Variants in FER1L5 observed in about 807,000 individuals in gnomAD.
FER1L5 encodes the protein fer-1-like protein 5.
Under a neutral mutation model 279.9 loss-of-function variants are expected in FER1L5, and 187 were observed. That is an observed-to-expected ratio of 0.67 (90% CI 0.59 to 0.75). FER1L5 has a LOEUF of 0.75. FER1L5 is among the 30% of genes least tolerant of loss of function. The pLI, the probability that FER1L5 is intolerant of heterozygous loss-of-function variation, is 0.00. For missense variants in FER1L5, 2,091 were observed against 2,594.4 expected, an observed-to-expected ratio of 0.81 and a Z score of 4.21; for synonymous variants, 921 against 989.7, an observed-to-expected ratio of 0.93 and a Z score of 1.30.
chr2:96,681,123 G>A (rs1167093440), intron 19 of FER1L5, among the ~76,000 whole-genome samples: 1 of 152,200 alleles, frequency 6.6e-6, no homozygotes, highest in East Asian at 1.9e-4. Flanking sequence ...AGCCTGAAGA[G>A]TGTCCAACAA....
In FER1L5 at chr2:96,700,378, C is replaced by T. The variant is rs1167794175; in HGVS notation, c.4977C>T (p.Arg1659=). The T allele has an allele frequency of 6.2e-7, 1 of 1,613,748 alleles. No homozygotes were observed. The highest frequency in any genetic ancestry group is 8.5e-7 in the Non-Finnish European group (1 of 1,179,904). Residue 1659 remains arginine, a synonymous_variant, in exon 45 of 53, where the codon CGC becomes CGT. Coordinates refer to ENST00000624922, the MANE Select transcript of FER1L5 (RefSeq NM_001293083.2). The stretch of plus-strand genomic sequence containing the variant: ...ATGGTTTGGGACCCAAGAAGGAACG[C>T]CTTGCACTGTACCTCCTGCACACCC... ...TVHGLGPKKE[R]LALYLLHTQG...
intron 9 of FER1L5, among the ~76,000 whole-genome samples, chr2:96,659,290 T>TTTCCTTCCTTCCCTTCC (rs2075735258): frequency 1.2e-5 from 1 of 80,942 alleles, no homozygotes; most frequent in Non-Finnish European, 2.7e-5. Context: ...TTTATCAAGC[T>TTTCCTTCCTTCCCTTCC]TTCCTTCCTT....
chr2:96,646,577 A>G, intron 2 of FER1L5, 124 bp downstream of exon 2: 1 of 1,001,618 alleles, frequency 1.0e-6, no homozygotes, highest in Middle Eastern at 2.8e-4. Flanking sequence ...GCTTTCCTCA[A>G]GGCTGGGCAT....
At chr2:96,668,249 C>A (rs780183232) in intron 14 of FER1L5, among the ~76,000 whole-genome samples, 1 of 151,990 alleles carries the variant, frequency 6.6e-6, no homozygotes, top group Non-Finnish European at 1.5e-5. Flanking sequence ...CCCAGCTGGG[C>A]GAGGTGGCTC....
Position 96,647,084 on chromosome 2 carries a change from G to A in FER1L5, c.159G>A (p.Trp53Ter). 6.4e-7 allele frequency: 1 copy of A among 1,551,612 alleles called. No individual in the cohort carries two copies. The highest frequency in any genetic ancestry group is 8.7e-7 in the Non-Finnish European group (1 of 1,146,990). The change falls in exon 3 of 53, where the codon TGG becomes TGA. Residue 53 changes from tryptophan to a stop codon, truncating the protein, a stop_gained. Coordinates refer to ENST00000624922, the MANE Select transcript of FER1L5 (RefSeq NM_001293083.2). LOFTEE classifies it high-confidence loss of function. ...VWNETLIWHL[W>*]NRPLENDSFL... is the part of the protein sequence containing the mutation. Reference sequence around the variant, plus strand: ...CACAGACCCTAATCTGGCACCTCTGGAACCGCCCCCTGGAAAATGACTCCT... The same window carrying A: ...CACAGACCCTAATCTGGCACCTCTGAAACCGCCCCCTGGAAAATGACTCCT...
At chr2:96,651,809 C>CCTAG (rs1200270527) in intron 6 of FER1L5, 83 bp from the exon 7 acceptor site, 1 of 1,534,252 alleles carries the variant, frequency 6.5e-7, no homozygotes, top group Non-Finnish European at 8.8e-7. Flanking sequence ...TTGCACCTGG[C>CCTAG]CTAGAATGTT....
At chr2:96,681,658 T>G (rs1202099861) in intron 19 of FER1L5, among the ~76,000 whole-genome samples, 1 of 152,158 alleles carries the variant, frequency 6.6e-6, no homozygotes, top group Admixed American at 6.5e-5. Flanking sequence ...TGTTCATAGA[T>G]CCAGATGACA....
At position 96,681,080 on chromosome 2, in the gene FER1L5, A is replaced by G. The variant is rs559531750; in HGVS notation, c.1670-3247A>G. 7.9e-5 allele frequency among the ~76,000 whole-genome samples: 12 copies of G among 152,324 alleles called. 1 individual carries two copies. Among genetic ancestry groups the G allele is most frequent in the African/African-American group, 2.6e-4 (11 of 41,578 alleles). On this transcript the variant is annotated intron_variant, in intron 19 of 52. Coordinates refer to ENST00000624922, the MANE Select transcript of FER1L5 (RefSeq NM_001293083.2). ...AAAAATCATATGGTGTATTCTTTTG[A>G]TATCATGGTTTGTATATATATGTAG...
chr2:96,655,505 T>C (rs1209352419), intron 9 of FER1L5, among the ~76,000 whole-genome samples: 1 of 152,188 alleles, frequency 6.6e-6, no homozygotes. Context: ...AGTGGGCATC[T>C]TCTGTTTTTG....
intron 9 of FER1L5, among the ~76,000 whole-genome samples, chr2:96,658,281 G>C (rs2075679213): frequency 1.3e-5 from 2 of 151,692 alleles, no homozygotes; most frequent in African/African-American, 4.8e-5. Context: ...CTCCCAAAGT[G>C]CTGGGATTAC....
intron 37 of FER1L5, among the ~76,000 whole-genome samples, chr2:96,696,657 T>G (rs568310344): frequency 6.6e-6 from 1 of 152,066 alleles, no homozygotes; most frequent in East Asian, 1.9e-4. Context: ...TCCCAGCACT[T>G]TGGGAGGCTG....
chr2:96,647,732 T>G, intron 3 of FER1L5, 46 bp from the exon 4 acceptor site: 1 of 1,406,752 alleles, frequency 7.1e-7, no homozygotes, highest in South Asian at 1.2e-5. Flanking sequence ...AAGAGGACAC[T>G]CTTTCCCCTG....
intron 3 of FER1L5, among the ~76,000 whole-genome samples, 156 bp downstream of exon 3, chr2:96,647,311 G>T (rs1201207905): frequency 1.3e-5 from 2 of 152,192 alleles, no homozygotes; most frequent in Non-Finnish European, 2.9e-5. Context: ...TGAAAGGGTA[G>T]CCAGGGCAAG....
At chr2:96,701,234 T>C (rs1201041953) in intron 45 of FER1L5, among the ~76,000 whole-genome samples, 2 of 152,206 alleles carry the variant, frequency 1.3e-5, no homozygotes, top group African/African-American at 4.8e-5. Flanking sequence ...CGCTTGAGCC[T>C]GAGAGGCAGA....
chr2:96,643,034 C>T (rs1465607846), intron 1 of FER1L5, 113 bp downstream of exon 1: 1 of 850,052 alleles, frequency 1.2e-6, no homozygotes, highest in African/African-American at 1.8e-5. Context: ...CTGTGTAACA[C>T]AAAGTGAAGT....
Position 96,669,123 on chromosome 2 carries a change from C to G in FER1L5, c.1348C>G (p.Gln450Glu), listed in dbSNP as rs2076232284. 1 of 1,551,542 alleles carries G rather than the reference C, an allele frequency of 6.4e-7. No individual in the cohort carries two copies. Among genetic ancestry groups the G allele is most frequent in the Non-Finnish European group, 8.7e-7 (1 of 1,146,996 alleles). ...HGGKKAPFRI[Q>E]EEGACIPDSV... ...GGGTAAAAAGGCCCCTTTCAGGATCCAGGAAGAAGGCGCTGTAAGCTTCTC... is the reference window on the plus strand; with the variant it reads ...GGGTAAAAAGGCCCCTTTCAGGATCGAGGAAGAAGGCGCTGTAAGCTTCTC... The change falls in exon 17 of 53, where the codon CAG becomes GAG. Residue 450 changes from glutamine to glutamate, a missense_variant. Physicochemically the swap from Gln to Glu is conservative, Grantham distance 29. Coordinates refer to ENST00000624922, the MANE Select transcript of FER1L5 (RefSeq NM_001293083.2).
rs781178713 is a variant in FER1L5, at chr2:96,691,295, G to T, written c.2849G>T (p.Arg950Leu). Reference sequence around the variant, plus strand: ...CGCCGCCGGCGCTGGGCGCGTGTGCGCTTCAGGAACCATGGGGAGCTGAGC... The same window carrying T: ...CGCCGCCGGCGCTGGGCGCGTGTGCTCTTCAGGAACCATGGGGAGCTGAGC... ...SCRRRRWARV[R>L]FRNHGELSHE... Residue 950 changes from arginine to leucine, a missense_variant, in exon 28 of 53, where the codon CGC (arginine) becomes CTC (leucine). Coordinates refer to ENST00000624922, the MANE Select transcript of FER1L5 (RefSeq NM_001293083.2). The surrounding 1 kb of genome is among the most constrained non-coding windows in gnomAD (Gnocchi z 6.0). 1 of 1,550,424 alleles carries T rather than the reference G, an allele frequency of 6.4e-7. No homozygotes were observed. Among genetic ancestry groups the T allele is most frequent in the Non-Finnish European group, 8.7e-7 (1 of 1,146,860 alleles).
In FER1L5 at chr2:96,702,609, C is replaced by T. The variant is rs571732868; in HGVS notation, c.5265C>T (p.Tyr1755=). The part of the protein sequence containing the change: ...TSDIYIKGWL[Y]GLEKDMQKTD... ...AGGACTCTGGCCCCAGGTGGTTATACGGGCTGGAGAAGGACATGCAGAAGA... is the reference window on the plus strand; with the variant it reads ...AGGACTCTGGCCCCAGGTGGTTATATGGGCTGGAGAAGGACATGCAGAAGA... Residue 1755 remains tyrosine, a synonymous_variant, in exon 48 of 53, where the codon TAC becomes TAT. Coordinates refer to ENST00000624922, the MANE Select transcript of FER1L5 (RefSeq NM_001293083.2). This position sits in a 1 kb window ranked among gnomAD's most constrained non-coding sequence, Gnocchi z 4.0. The T allele has an allele frequency of 1.7e-5, 26 of 1,573,962 alleles. No individual in the cohort carries two copies. In the East Asian group the frequency reaches 2.8e-4, roughly 17 times the overall value.
chr2:96,684,735 G>C (rs988400966), intron 20 of FER1L5, among the ~76,000 whole-genome samples: 6 of 152,170 alleles, frequency 3.9e-5, no homozygotes, highest in Admixed American at 1.3e-4. Context: ...GTGCTATAGG[G>C]TCAGAGAGAG....
Sources: gnomAD v4.1 joint callset for allele counts (sites outside exome capture counted in the v4.1 genomes callset) on GRCh38, gnomAD v4.1.1 for gene constraint, Gnocchi (gnomAD v3.1) non-coding constraint, MANE v1.5 for transcripts, NCBI Gene and HGNC (gene_info 2026-07-23, HGNC 2026-07-21) for gene names.